The following SLC1A2 variants were observed in gnomAD, a reference collection of about 807,000 sequenced individuals.
SLC1A2 encodes the protein solute carrier family 1 member 2.
A neutral mutation model predicts 48.8 loss-of-function variants in SLC1A2; 15 were observed. The observed-to-expected ratio is 0.31, with a 90% CI of 0.21 to 0.47. The LOEUF is 0.47. Among genes scored for constraint, SLC1A2 ranks in the 20% least tolerant of loss-of-function variants. The pLI, the probability that SLC1A2 is intolerant of heterozygous loss-of-function variation, is 0.99. For missense variants in SLC1A2, 502 were observed against 730.5 expected, an observed-to-expected ratio of 0.69 and a Z score of 3.61; for synonymous variants, 279 against 272.6, an observed-to-expected ratio of 1.02 and a Z score of -0.23.
intron 1 of SLC1A2, among the ~76,000 whole-genome samples, chr11:35,407,572 T>G (rs946185020): frequency 2.0e-5 from 3 of 152,172 alleles, no homozygotes; most frequent in African/African-American, 7.2e-5. Flanking sequence ...GCATTCATTT[T>G]CTCTCCACCC....
At chr11:35,272,107 T>C (rs1014421340) in intron 9 of SLC1A2, among the ~76,000 whole-genome samples, 1 of 152,180 alleles carries the variant, frequency 6.6e-6, no homozygotes. Context: ...CATGTTTAAA[T>C]CAAAATGAGA....
rs909161650 is a variant in SLC1A2 at position 35,254,908 on chromosome 11, G to A, written c.*5986C>T. ...GCTGGACATAGAAAAAAACTGATCA[G>A]TAGTTATTCAGGATATTATTTAGGA... On this transcript the variant is annotated 3_prime_UTR_variant, in exon 11 of 11. Transcript: ENST00000278379. The A allele has an allele frequency of 6.8e-5, 28 of 411,736 alleles. No homozygotes were observed. The highest frequency in any genetic ancestry group is 1.3e-4 in the Non-Finnish European group (28 of 210,092). 25.5% of individuals were successfully genotyped at this position (411,736 alleles called of 1,614,324 possible). A position where few individuals can be genotyped will look rare whatever the true frequency, so the allele number is the denominator to read the frequency against.
At chr11:35,278,459 G>T (rs1409191191) in intron 9 of SLC1A2, among the ~76,000 whole-genome samples, 1 of 151,430 alleles carries the variant, frequency 6.6e-6, no homozygotes, top group Non-Finnish European at 1.5e-5. Flanking sequence ...TTGCATTTTT[G>T]GTAGAGACGG....
chr11:35,368,036 A>G (rs1017675083), intron 1 of SLC1A2, among the ~76,000 whole-genome samples: 1 of 152,250 alleles, frequency 6.6e-6, no homozygotes, highest in African/African-American at 2.4e-5. Flanking sequence ...TGTTGAAGGC[A>G]CAGCACCACC....
At position 35,341,043 on chromosome 11, in the gene SLC1A2, G is replaced by A. The variant is rs557123750; in HGVS notation, c.18-23527C>T. Among the ~76,000 whole-genome samples the A allele has an allele frequency of 2.0e-5, 3 of 152,196 alleles. No individual in the cohort carries two copies. In the South Asian group the frequency reaches 6.2e-4, roughly 31 times the overall value. On this transcript the variant is annotated intron_variant, in intron 1 of 10. Transcript: ENST00000278379. ...GGAACTTACATAAAACACAGATTGA[G>A]TACATTTGGTTGACAGCGGGGAAGG...
chr11:35,349,676 C>T (rs1853170559), intron 1 of SLC1A2, among the ~76,000 whole-genome samples: 1 of 152,182 alleles, frequency 6.6e-6, no homozygotes, highest in African/African-American at 2.4e-5. Flanking sequence ...TATAAGAAAT[C>T]AGGTGCTTAC....
chr11:35,270,405 A>G (rs1037184287), intron 9 of SLC1A2, among the ~76,000 whole-genome samples: 2 of 152,242 alleles, frequency 1.3e-5, no homozygotes, highest in Non-Finnish European at 2.9e-5. Context: ...TCCTTTTCTT[A>G]CACCTGTTAA....
At position 35,373,600 on chromosome 11, in the gene SLC1A2, T is replaced by C. The variant is rs1239927884; in HGVS notation, c.17+45350A>G. On this transcript the variant is annotated intron_variant, in intron 1 of 10. Coordinates refer to ENST00000278379, the MANE Select transcript of SLC1A2 (RefSeq NM_004171.4). ...GGAAAGACCCCAGAAAATGAGTAGA[T>C]GTGAAACAGGGAGAGGGCTGCAGGC... Among the ~76,000 whole-genome samples, 7 of 152,246 alleles carry C rather than the reference T, an allele frequency of 4.6e-5. No individual in the cohort carries two copies. In the East Asian group the frequency reaches 1.3e-3, roughly 29 times the overall value.
intron 1 of SLC1A2, among the ~76,000 whole-genome samples, chr11:35,405,750 C>T (rs971170360): frequency 2.0e-5 from 3 of 152,196 alleles, no homozygotes; most frequent in African/African-American, 7.2e-5. Flanking sequence ...TGCTTCCCAA[C>T]TGATTATTCT....
At position 35,286,819 on chromosome 11, in the gene SLC1A2, G is replaced by A. The variant is rs769410614; in HGVS notation, c.1224C>T (p.Ala408=). The change falls in exon 8 of 11, where the codon GCC becomes GCT. Residue 408 remains alanine, a synonymous_variant. Coordinates refer to ENST00000278379, the MANE Select transcript of SLC1A2 (RefSeq NM_004171.4). ...MDGTALYEAV[A]AIFIAQMNGV... ...CATTCATTTGGGCTATAAAGATGGC[G>A]GCTACCGCTTCATAAAGGGCTGTAC... 15 of 1,613,810 alleles carry A rather than the reference G, an allele frequency of 9.3e-6. No individual in the cohort carries two copies. In the East Asian group the frequency reaches 1.3e-4, roughly 14 times the overall value.
At chr11:35,373,527 A>G (rs570330683) in intron 1 of SLC1A2, among the ~76,000 whole-genome samples, 2 of 152,150 alleles carry the variant, frequency 1.3e-5, no homozygotes, top group Admixed American at 6.5e-5. Context: ...AGGGTGAGAG[A>G]AGCAGAAACA....
intron 1 of SLC1A2, among the ~76,000 whole-genome samples, chr11:35,329,831 C>G (rs774433484): frequency 2.0e-5 from 3 of 152,178 alleles, no homozygotes; most frequent in Non-Finnish European, 4.4e-5. Context: ...CAGCTTTTAC[C>G]CACAGGTTAT....
chr11:35,267,140 T>C (rs905147772), intron 9 of SLC1A2, among the ~76,000 whole-genome samples: 4 of 152,196 alleles, frequency 2.6e-5, no homozygotes, highest in African/African-American at 9.7e-5. Flanking sequence ...CGTCTTGAGG[T>C]CATCCACAAA....
chr11:35,418,994 G>T lies in SLC1A2; in HGVS notation c.-28C>A. 6.4e-7 allele frequency: 1 copy of T among 1,554,874 alleles called. No individual in the cohort carries two copies. The highest frequency in any genetic ancestry group is 8.7e-7 in the Non-Finnish European group (1 of 1,147,710). ...TCTGGGGAACGCCCCCTCCTCTTCA[G>T]CACTATCCGGCAGCTGTGGGCGAGG... On this transcript the variant is annotated 5_prime_UTR_variant, in exon 1 of 11. In the 5' UTR this introduces an upstream ATG that the reference lacks. Coordinates refer to ENST00000278379, the MANE Select transcript of SLC1A2 (RefSeq NM_004171.4).
intron 1 of SLC1A2, among the ~76,000 whole-genome samples, chr11:35,327,690 G>T (rs1430327541): frequency 6.6e-6 from 1 of 152,140 alleles, no homozygotes; most frequent in African/African-American, 2.4e-5. Flanking sequence ...AATAACATTT[G>T]TGTCATTTAA....
At chr11:35,261,940 C>A in intron 10 of SLC1A2, 1 of 387,244 alleles carries the variant, frequency 2.6e-6, no homozygotes, top group African/African-American at 2.1e-5. Flanking sequence ...CCCCATTAGC[C>A]CCCCAATTTT....
At chr11:35,298,432 T>C (rs543831735) in intron 6 of SLC1A2, 5 of 152,218 alleles carry the variant, frequency 3.3e-5, no homozygotes, top group Non-Finnish European at 2.9e-5. Context: ...GAATTCTGAT[T>C]TTTTTAAGCT....
At chr11:35,401,682 G>T (rs955786925) in intron 1 of SLC1A2, among the ~76,000 whole-genome samples, 59 of 151,998 alleles carry the variant, frequency 3.9e-4, no homozygotes, top group Non-Finnish European at 7.4e-5. Flanking sequence ...TCAGAGATGA[G>T]CATTTTTTTT....
intron 1 of SLC1A2, among the ~76,000 whole-genome samples, chr11:35,339,108 T>C (rs1852743661): frequency 6.6e-6 from 1 of 152,224 alleles, no homozygotes; most frequent in Non-Finnish European, 1.5e-5. Context: ...TGCAGTAATT[T>C]GGGGCAAGTT....
Sources: allele counts gnomAD v4.1 joint callset (sites outside exome capture counted in the v4.1 genomes callset), GRCh38; gene constraint gnomAD v4.1.1; transcripts MANE v1.5; gene names NCBI Gene and HGNC (gene_info 2026-07-23, HGNC 2026-07-21).